GALNT17: variants seen among roughly 807,000 people sequenced by gnomAD.
The protein encoded by GALNT17 is UDP-GalNAc:polypeptide N-acetylgalactosaminyltransferase-like 3.
Under a neutral mutation model 63.7 loss-of-function variants are expected in GALNT17, and 29 were observed. The observed-to-expected ratio is 0.46, with a 90% CI of 0.34 to 0.62. The LOEUF (loss-of-function observed/expected upper bound fraction) is 0.62. Ranked by LOEUF, GALNT17 falls within the 20% of genes least tolerant of loss-of-function variation. The probability of loss-of-function intolerance (pLI) is 0.01; values close to 1 mark genes in which losing one functional copy is unlikely to be tolerated. For synonymous variants in GALNT17, 305 were observed against 318.3 expected (o/e 0.96, Z 0.45); for missense variants, 603 against 799.6 (o/e 0.75, Z 2.97).
In GALNT17 at chr7:71,658,484, C is replaced by T. The variant is rs528042000; in HGVS notation, c.1081-6927C>T. On this transcript the variant is annotated intron_variant, in intron 6 of 10. Transcript: ENST00000333538. ...AGAGGCCTGGGTAGTTTAGGGCAGG[C>T]TTTTTGCCCCAATGAATGAAGCTTC... 8.1e-4 allele frequency among the ~76,000 whole-genome samples: 124 copies of T among 152,280 alleles called. 1 individual carries two copies. The Middle Eastern group carries it at 0.01, about 13-fold the overall frequency.
intron 6 of GALNT17, among the ~76,000 whole-genome samples, chr7:71,578,624 G>A (rs73185198): frequency 0.12 from 17,548 of 152,140 alleles, 1,729 homozygotes; most frequent in African/African-American, 0.27. Flanking sequence ...CCACAGCCGT[G>A]AGCCACTGTG....
chr7:71,223,781 T>G (rs567227959), intron 1 of GALNT17, among the ~76,000 whole-genome samples: 17 of 152,280 alleles, frequency 1.1e-4, no homozygotes, highest in African/African-American at 4.1e-4. Flanking sequence ...TCTCATCATT[T>G]AACCTCCCAC....
At chr7:71,479,934 T>C (rs188976681) in intron 5 of GALNT17, among the ~76,000 whole-genome samples, 1 of 152,266 alleles carries the variant, frequency 6.6e-6, no homozygotes, top group Admixed American at 6.5e-5. Flanking sequence ...ACTTCTTTCT[T>C]TGAAATACAT....
At chr7:71,701,841 GTGTATA>G (rs1791645840) in intron 9 of GALNT17, among the ~76,000 whole-genome samples, 1 of 10,778 alleles carries the variant, frequency 9.3e-5, no homozygotes, top group South Asian at 3.2e-3. Context: ...ATATATATAT[GTGTATA>G]TATATATACA....
At chr7:71,660,141 A>G (rs1302467411) in intron 6 of GALNT17, among the ~76,000 whole-genome samples, 1 of 152,120 alleles carries the variant, frequency 6.6e-6, no homozygotes, top group Non-Finnish European at 1.5e-5. Flanking sequence ...TGAATGGATC[A>G]TTTTTTGATG....
At chr7:71,564,443 C>G (rs1562692732) in intron 5 of GALNT17, among the ~76,000 whole-genome samples, 1 of 151,714 alleles carries the variant, frequency 6.6e-6, no homozygotes. Context: ...CCTACTACCA[C>G]GCCCGGCTCA....
chr7:71,603,806 A>G lies in GALNT17; in HGVS notation c.1080+32404A>G, dbSNP rs528503511. 2.0e-5 allele frequency among the ~76,000 whole-genome samples: 3 copies of G among 152,218 alleles called. No homozygotes were observed. In the South Asian group the frequency reaches 6.2e-4, roughly 32 times the overall value. On this transcript the variant is annotated intron_variant, in intron 6 of 10. Coordinates refer to ENST00000333538, the MANE Select transcript of GALNT17 (RefSeq NM_022479.3). ...GGATACTATGCTAAGTGCATATGCCAGGTACTATGCTAAGTGCATACACTG... is the reference window on the plus strand; with the variant it reads ...GGATACTATGCTAAGTGCATATGCCGGGTACTATGCTAAGTGCATACACTG...
intron 5 of GALNT17, among the ~76,000 whole-genome samples, chr7:71,485,256 A>G (rs953919949): frequency 1.3e-5 from 2 of 151,582 alleles, no homozygotes; most frequent in East Asian, 3.9e-4. Flanking sequence ...CAGGCATGCA[A>G]CACCATGCCC....
intron 2 of GALNT17, among the ~76,000 whole-genome samples, chr7:71,382,995 C>G (rs1225398378): frequency 6.6e-6 from 1 of 152,176 alleles, no homozygotes; most frequent in Admixed American, 6.5e-5. Flanking sequence ...CACCCAATCA[C>G]AATAATTTCC....
At chr7:71,254,701 G>T (rs546964728) in intron 1 of GALNT17, among the ~76,000 whole-genome samples, 1 of 152,186 alleles carries the variant, frequency 6.6e-6, no homozygotes. Context: ...CCATCAATCA[G>T]TTGGGGGGCT....
At chr7:71,388,023 G>A (rs1792978337) in intron 2 of GALNT17, among the ~76,000 whole-genome samples, 1 of 152,124 alleles carries the variant, frequency 6.6e-6, no homozygotes, top group African/African-American at 2.4e-5. Context: ...GTAGGGTGGT[G>A]AATCTGGGAG....
intron 2 of GALNT17, among the ~76,000 whole-genome samples, chr7:71,335,983 ATTCTTC>A (rs59602104): frequency 3.7e-5 from 5 of 133,440 alleles, no homozygotes; most frequent in Admixed American, 7.8e-5. Context: ...TTGTATTTTA[ATTCTTC>A]TTCTTCTTCT....
At position 71,577,641 on chromosome 7, in the gene GALNT17, G is replaced by A. The variant is rs574747935; in HGVS notation, c.1080+6239G>A. Among the ~76,000 whole-genome samples, 70 of 152,270 alleles carry A rather than the reference G, an allele frequency of 4.6e-4. 1 individual carries two copies. In the East Asian group the frequency reaches 7.2e-3, roughly 16 times the overall value. ...AGGAAGCGATTCAGACTCTGAGTCCGTGTTGGCTTAGATGAGTCATGATGA... is the reference window on the plus strand; with the variant it reads ...AGGAAGCGATTCAGACTCTGAGTCCATGTTGGCTTAGATGAGTCATGATGA... On this transcript the variant is annotated intron_variant, in intron 6 of 10. Coordinates refer to ENST00000333538, the MANE Select transcript of GALNT17 (RefSeq NM_022479.3).
At chr7:71,549,212 A>G (rs1031833898) in intron 5 of GALNT17, among the ~76,000 whole-genome samples, 2 of 152,182 alleles carry the variant, frequency 1.3e-5, no homozygotes, top group Non-Finnish European at 2.9e-5. Flanking sequence ...ATGGAATTCC[A>G]TAGGCTTTTA....
intron 1 of GALNT17, among the ~76,000 whole-genome samples, chr7:71,271,364 C>T (rs1378361658): frequency 2.0e-5 from 3 of 152,174 alleles, no homozygotes; most frequent in Non-Finnish European, 4.4e-5. Context: ...TGATGATGCT[C>T]AGAGATGTAG....
At chr7:71,137,226 G>A (rs62459622) in intron 1 of GALNT17, among the ~76,000 whole-genome samples, 4,772 of 145,010 alleles carry the variant, frequency 0.033, 104 homozygotes, top group Non-Finnish European at 0.044. Context: ...TGCAAGCTCC[G>A]CCTCCCGGGT....
intron 1 of GALNT17, among the ~76,000 whole-genome samples, chr7:71,199,058 C>T (rs1031812246): frequency 1.3e-5 from 2 of 152,232 alleles, no homozygotes; most frequent in Middle Eastern, 3.4e-3. Flanking sequence ...CTCTATGTGG[C>T]CGCGGCCTCT....
chr7:71,412,086 C>G (rs1793439258), intron 3 of GALNT17, among the ~76,000 whole-genome samples: 1 of 152,202 alleles, frequency 6.6e-6, no homozygotes, highest in Non-Finnish European at 1.5e-5. Flanking sequence ...TCTGTACCGC[C>G]TTGAGTATGG....
intron 5 of GALNT17, among the ~76,000 whole-genome samples, chr7:71,560,330 T>C (rs906545662): frequency 1.2e-4 from 18 of 152,232 alleles, no homozygotes; most frequent in Admixed American, 1.0e-3. Context: ...CTTCCCTGCC[T>C]GGTCTTTTGG....
Sources: allele counts gnomAD v4.1 joint callset (sites outside exome capture counted in the v4.1 genomes callset), GRCh38; gene constraint gnomAD v4.1.1; transcripts MANE v1.5; gene names NCBI Gene and HGNC (gene_info 2026-07-23, HGNC 2026-07-21).